CAPN13: variants seen among roughly 807,000 people sequenced by gnomAD.
CAPN13 encodes the protein calpain-13.
In CAPN13, 90 loss-of-function variants were observed where a neutral mutation model predicts 98.4. The observed-to-expected ratio is 0.92, with a 90% CI of 0.77 to 1.09. The LOEUF is 1.09. Among genes scored for constraint, CAPN13 ranks in the 50% least tolerant of loss-of-function variants. The pLI, the probability that CAPN13 is intolerant of heterozygous loss-of-function variation, is 0.00. For synonymous variants in CAPN13, 330 were observed against 305.5 expected (o/e 1.08, Z -0.84); for missense variants, 887 against 841.3 (o/e 1.05, Z -0.67).
At chr2:30,734,628 C>A (rs932418899) in intron 18 of CAPN13, 104 bp from the exon 19 acceptor site, 9 of 857,582 alleles carry the variant, frequency 1.0e-5, no homozygotes, top group Admixed American at 4.0e-5. Context: ...GAGGAAGGCA[C>A]GGTCACAGCA....
chr2:30,781,326 C>T (rs1477804548), intron 2 of CAPN13, among the ~76,000 whole-genome samples: 3 of 152,160 alleles, frequency 2.0e-5, no homozygotes, highest in African/African-American at 7.2e-5. Flanking sequence ...TGGACTTGGC[C>T]TTTGAGGGCT....
intron 5 of CAPN13, 66 bp downstream of exon 5, chr2:30,770,247 T>C: frequency 6.3e-7 from 1 of 1,580,018 alleles, no homozygotes; most frequent in Admixed American, 1.8e-5. Context: ...CAGGGACTGT[T>C]TGCATTCCGG....
intron 19 of CAPN13, among the ~76,000 whole-genome samples, chr2:30,734,235 G>A (rs1002846532): frequency 2.6e-5 from 4 of 152,200 alleles, no homozygotes; most frequent in African/African-American, 9.7e-5. Flanking sequence ...TGGGAAAATT[G>A]AATGGCACGT....
chr2:30,773,249 A>G (rs180968009), intron 4 of CAPN13, among the ~76,000 whole-genome samples: 1 of 152,392 alleles, frequency 6.6e-6, no homozygotes, highest in Admixed American at 6.5e-5. Context: ...AACAATGTTT[A>G]CAGACTTTTC....
intron 2 of CAPN13, among the ~76,000 whole-genome samples, chr2:30,784,375 CTT>C (rs980212660): frequency 2.0e-5 from 3 of 152,282 alleles, no homozygotes; most frequent in Non-Finnish European, 4.4e-5. Flanking sequence ...TACCTTATGA[CTT>C]TTCCCAAATT....
chr2:30,806,898 C>T (rs1675661185), intron 1 of CAPN13, among the ~76,000 whole-genome samples: 1 of 152,150 alleles, frequency 6.6e-6, no homozygotes, highest in Non-Finnish European at 1.5e-5. Context: ...TTATTAAGCA[C>T]CTACTATCTA....
chr2:30,745,231 A>G (rs1197017275), intron 12 of CAPN13: 2 of 472,490 alleles, frequency 4.2e-6, no homozygotes, highest in Admixed American at 2.3e-5. Flanking sequence ...TCATATGGGC[A>G]AGTCACCTTT....
chr2:30,749,671 T>G (rs946002486), intron 11 of CAPN13, among the ~76,000 whole-genome samples: 1 of 152,224 alleles, frequency 6.6e-6, no homozygotes, highest in Admixed American at 6.5e-5. Context: ...GAAGCCAGTC[T>G]CAGCTCTGCC....
chr2:30,734,424 C>A, intron 19 of CAPN13, 25 bp downstream of exon 19: 1 of 1,602,202 alleles, frequency 6.2e-7, no homozygotes. Flanking sequence ...CCTTGGGCAC[C>A]ACAGCTCCAA....
At chr2:30,759,966 G>A (rs1279990039) in intron 7 of CAPN13, among the ~76,000 whole-genome samples, 1 of 152,178 alleles carries the variant, frequency 6.6e-6, no homozygotes, top group Non-Finnish European at 1.5e-5. Flanking sequence ...CCGCTCCCTG[G>A]CCAGTACCTC....
At chr2:30,803,816 T>A (rs1482610317) in intron 1 of CAPN13, among the ~76,000 whole-genome samples, 4 of 152,228 alleles carry the variant, frequency 2.6e-5, no homozygotes, top group Non-Finnish European at 4.4e-5. Flanking sequence ...GACCTTTAGC[T>A]GCCTTTCAAC....
At chr2:30,793,273 C>T (rs1318007062) in intron 1 of CAPN13, among the ~76,000 whole-genome samples, 2 of 151,378 alleles carry the variant, frequency 1.3e-5, no homozygotes, top group Non-Finnish European at 3.0e-5. Flanking sequence ...AGTAAGGTCA[C>T]AAGATACAAG....
At chr2:30,730,560 T>C (rs568361564) in intron 22 of CAPN13, among the ~76,000 whole-genome samples, 170 bp downstream of exon 22, 75 of 152,326 alleles carry the variant, frequency 4.9e-4, no homozygotes, top group African/African-American at 1.8e-3. Flanking sequence ...ATCTGCAGCA[T>C]TGGCCTTGAA....
chr2:30,736,335 T>C (rs558339935), intron 18 of CAPN13, among the ~76,000 whole-genome samples, 168 bp downstream of exon 18: 1 of 152,296 alleles, frequency 6.6e-6, no homozygotes, highest in African/African-American at 2.4e-5. Context: ...CTTGTGCCTT[T>C]TGGAGTTGCA....
chr2:30,795,447 T>C (rs1024525512), intron 1 of CAPN13, among the ~76,000 whole-genome samples: 2 of 152,088 alleles, frequency 1.3e-5, no homozygotes, highest in African/African-American at 4.8e-5. Context: ...TTTTTATTTG[T>C]ACCCATCACG....
intron 22 of CAPN13, among the ~76,000 whole-genome samples, chr2:30,723,464 AC>A (rs534800945): frequency 2.6e-3 from 391 of 151,262 alleles, no homozygotes; most frequent in Non-Finnish European, 4.2e-3. Flanking sequence ...CTTAAAGGGC[AC>A]CCCCCCACCT....
rs771518743 is a variant in CAPN13, at chr2:30,743,555, C to T, written c.1273G>A (p.Val425Met). The change falls in exon 13 of 23, where the codon GTG (valine) becomes ATG (methionine). Residue 425 changes from valine (V) to methionine (M), a missense_variant. Physicochemically the swap from Val to Met is conservative, Grantham distance 21 (BLOSUM62 1). Transcript: ENST00000295055. ...SQRFREKFPP[V>M]FFSSFRNTVQ... is the part of the protein sequence containing the mutation. ...GTGTTTCTGAACGAGGAAAAAAACA[C>T]GGGTGGAAATTTCTCCCGGAACCGC... The T allele has an allele frequency of 1.2e-5, 19 of 1,613,872 alleles. No individual in the cohort carries two copies. Among genetic ancestry groups the T allele is most frequent in the African/African-American group, 2.7e-5 (2 of 74,996 alleles).
At chr2:30,790,795 C>G (rs1322926004) in intron 1 of CAPN13, among the ~76,000 whole-genome samples, 1 of 152,172 alleles carries the variant, frequency 6.6e-6, no homozygotes. Context: ...GAACACTAGG[C>G]ATAAATGGGT....
At chr2:30,742,662 T>C (rs980383901) in intron 13 of CAPN13, among the ~76,000 whole-genome samples, 1 of 152,162 alleles carries the variant, frequency 6.6e-6, no homozygotes, top group Non-Finnish European at 1.5e-5. Flanking sequence ...CATCTCTGAT[T>C]GGTGGTATGA....
Sources: gnomAD v4.1 joint callset for allele counts (sites outside exome capture counted in the v4.1 genomes callset) on GRCh38, gnomAD v4.1.1 for gene constraint, MANE v1.5 for transcripts, NCBI Gene and HGNC (gene_info 2026-07-23, HGNC 2026-07-21) for gene names.